Variants in PLCXD3 observed in about 807,000 individuals in gnomAD.
PLCXD3 encodes PI-PLC X domain-containing protein 3.
A neutral mutation model predicts 25.5 loss-of-function variants in PLCXD3; 19 were observed. That is an observed-to-expected ratio of 0.75 (90% confidence interval 0.52 to 1.09). The LOEUF is 1.09. Ranked by LOEUF, PLCXD3 falls within the 50% of genes least tolerant of loss-of-function variation. PLCXD3 has a pLI of 0.00. For synonymous variants in PLCXD3, 174 were observed against 137.6 expected (o/e 1.26, Z -1.85); for missense variants, 411 against 388.1 (o/e 1.06, Z -0.50).
intron 1 of PLCXD3, among the ~76,000 whole-genome samples, chr5:41,393,261 G>GC (rs1042919188): frequency 7.2e-5 from 11 of 152,086 alleles, no homozygotes; most frequent in Non-Finnish European, 1.3e-4. Flanking sequence ...CTACCTCAAG[G>GC]CATTTAGTCA....
At chr5:41,341,317 T>A (rs931220137) in intron 2 of PLCXD3, among the ~76,000 whole-genome samples, 38 of 152,170 alleles carry the variant, frequency 2.5e-4, no homozygotes, top group Non-Finnish European at 4.0e-4. Flanking sequence ...AAGTCATTCT[T>A]GAAACCAAGA....
At chr5:41,395,358 C>T (rs1355353407) in intron 1 of PLCXD3, among the ~76,000 whole-genome samples, 1 of 151,784 alleles carries the variant, frequency 6.6e-6, no homozygotes, top group Admixed American at 6.6e-5. Context: ...GCTATAAGTG[C>T]CTACATCAAA....
chr5:41,461,119 G>T (rs551221170), intron 1 of PLCXD3, among the ~76,000 whole-genome samples: 1 of 151,820 alleles, frequency 6.6e-6, no homozygotes, highest in Non-Finnish European at 1.5e-5. Flanking sequence ...TATTACATTG[G>T]TTTATTGGTA....
chr5:41,350,516 T>C (rs957466143), intron 2 of PLCXD3, among the ~76,000 whole-genome samples: 15 of 152,222 alleles, frequency 9.9e-5, no homozygotes, highest in African/African-American at 2.7e-4. Flanking sequence ...AGAGTATAGA[T>C]GCATTCCATT....
At chr5:41,441,354 CCA>C (rs1747380403) in intron 1 of PLCXD3, among the ~76,000 whole-genome samples, 1 of 152,164 alleles carries the variant, frequency 6.6e-6, no homozygotes, top group South Asian at 2.1e-4. Flanking sequence ...ATCCTCTCCA[CCA>C]CAGTTTTCAA....
At chr5:41,402,383 G>C (rs1314158866) in intron 1 of PLCXD3, among the ~76,000 whole-genome samples, 3 of 151,358 alleles carry the variant, frequency 2.0e-5, no homozygotes, top group Non-Finnish European at 3.0e-5. Flanking sequence ...AATATTTATA[G>C]ATTTCTTAGG....
At chr5:41,403,409 T>TTTTTTGTTTGTTTTTG (rs1746257617) in intron 1 of PLCXD3, among the ~76,000 whole-genome samples, 2 of 39,668 alleles carry the variant, frequency 5.0e-5, no homozygotes, top group East Asian at 2.9e-4. Context: ...TTGTTTTTTT[T>TTTTTTGTTTGTTTTTG]TTTTTTTATT....
chr5:41,352,176 A>G (rs1273701621), intron 2 of PLCXD3, among the ~76,000 whole-genome samples: 2 of 152,202 alleles, frequency 1.3e-5, no homozygotes, highest in African/African-American at 2.4e-5. Flanking sequence ...AGACACCATC[A>G]TCTGACTTTT....
chr5:41,370,578 G>A (rs1198076932), intron 2 of PLCXD3, among the ~76,000 whole-genome samples: 1 of 152,016 alleles, frequency 6.6e-6, no homozygotes, highest in Non-Finnish European at 1.5e-5. Flanking sequence ...ATCTTTTTTG[G>A]GGGAGAGGAT....
In PLCXD3 at chr5:41,333,842, T is replaced by A. The variant is rs538731703; in HGVS notation, c.813-20072A>T. Among the ~76,000 whole-genome samples the A allele has an allele frequency of 2.0e-5, 3 of 152,192 alleles. No individual in the cohort carries two copies. The South Asian group carries it at 6.2e-4, about 32-fold the overall frequency. On this transcript the variant is annotated intron_variant, in intron 2 of 2. Coordinates refer to ENST00000377801, the MANE Select transcript of PLCXD3 (RefSeq NM_001005473.3). The stretch of plus-strand genomic sequence containing the variant: ...ATTTAGGTGTAAAACAGAAAGTAAT[T>A]AAAGGCACAGCTAAAGAAAACATTA...
At chr5:41,423,935 C>T (rs1379143439) in intron 1 of PLCXD3, among the ~76,000 whole-genome samples, 1 of 152,142 alleles carries the variant, frequency 6.6e-6, no homozygotes, top group Non-Finnish European at 1.5e-5. Flanking sequence ...CACATAGTTA[C>T]CATTATCTTT....
chr5:41,370,007 A>G (rs999754677), intron 2 of PLCXD3, among the ~76,000 whole-genome samples: 7 of 152,182 alleles, frequency 4.6e-5, no homozygotes, highest in Non-Finnish European at 8.8e-5. Context: ...TCTCACTGCC[A>G]CATACCGCTT....
At chr5:41,397,041 G>A (rs1363892415) in intron 1 of PLCXD3, among the ~76,000 whole-genome samples, 1 of 152,180 alleles carries the variant, frequency 6.6e-6, no homozygotes, top group African/African-American at 2.4e-5. Flanking sequence ...AAAATTTGCA[G>A]CCCTACCATG....
At chr5:41,335,474 T>A (rs1376275194) in intron 2 of PLCXD3, among the ~76,000 whole-genome samples, 1 of 152,178 alleles carries the variant, frequency 6.6e-6, no homozygotes, top group Non-Finnish European at 1.5e-5. Flanking sequence ...GATCGTTTTA[T>A]TAATCCAGGT....
intron 2 of PLCXD3, among the ~76,000 whole-genome samples, chr5:41,337,908 T>C (rs1167793022): frequency 6.6e-6 from 1 of 152,160 alleles, no homozygotes; most frequent in African/African-American, 2.4e-5. Context: ...CATGATGTCA[T>C]CTCTTCATTA....
intron 1 of PLCXD3, among the ~76,000 whole-genome samples, chr5:41,417,267 G>T (rs1024160190): frequency 6.6e-6 from 1 of 152,154 alleles, no homozygotes; most frequent in African/African-American, 2.4e-5. Context: ...CCTGGAGGAA[G>T]GTTCCATTGC....
At chr5:41,506,680 C>G (rs2111597224) in intron 1 of PLCXD3, among the ~76,000 whole-genome samples, 1 of 152,320 alleles carries the variant, frequency 6.6e-6, no homozygotes, top group Middle Eastern at 3.4e-3. Flanking sequence ...AAATTAAAAA[C>G]TAGTAGGTCA....
Position 41,313,707 on chromosome 5 carries a change from A to G in PLCXD3, c.876T>C (p.Ile292=), listed in dbSNP as rs200923536. ...TQKPGESGIN[I]VTADFVELGD... ...CAAGTTCTACAAAATCGGCAGTGAC[A>G]ATATTGATGCCACTCTCTCCTGGCT... Residue 292 remains isoleucine, a synonymous_variant, in exon 3 of 3, where the codon ATT becomes ATC. Transcript: ENST00000377801. 481 of 1,613,822 alleles carry G rather than the reference A, an allele frequency of 3.0e-4. 1 individual carries two copies. Among genetic ancestry groups the G allele is most frequent in the Non-Finnish European group, 8.9e-5 (105 of 1,179,790 alleles).
chr5:41,431,155 G>C (rs1388880864), intron 1 of PLCXD3, among the ~76,000 whole-genome samples: 1 of 152,158 alleles, frequency 6.6e-6, no homozygotes, highest in Non-Finnish European at 1.5e-5. Flanking sequence ...CTTCCATAGA[G>C]GGATTTTATC....
Sources: allele counts gnomAD v4.1 joint callset (sites outside exome capture counted in the v4.1 genomes callset), GRCh38; gene constraint gnomAD v4.1.1; transcripts MANE v1.5; gene names NCBI Gene and HGNC (gene_info 2026-07-23, HGNC 2026-07-21).